Variants in CSMD1 observed in about 807,000 individuals in gnomAD.
The protein encoded by CSMD1 is CUB and sushi domain-containing protein 1.
In CSMD1, 213 loss-of-function variants were observed where a neutral mutation model predicts 417.5. The observed-to-expected ratio is 0.51, with a 90% CI of 0.46 to 0.57. The LOEUF (loss-of-function observed/expected upper bound fraction) is 0.57. CSMD1 is among the 20% of genes least tolerant of loss of function. The pLI, the probability that CSMD1 is intolerant of heterozygous loss-of-function variation, is 0.00. For missense variants in CSMD1, 6,923 were observed against 4,529.7 expected, an observed-to-expected ratio of 1.53 and a Z score of -15.17; for synonymous variants, 2,862 against 1,736.8, an observed-to-expected ratio of 1.65 and a Z score of -16.11.
At chr8:3,859,981 G>A (rs906457747) in intron 5 of CSMD1, among the ~76,000 whole-genome samples, 2 of 152,132 alleles carry the variant, frequency 1.3e-5, no homozygotes, top group African/African-American at 2.4e-5. Flanking sequence ...AAGCCTGAGG[G>A]TGGTTTTGGG....
intron 5 of CSMD1, among the ~76,000 whole-genome samples, chr8:3,889,190 C>G (rs1806775347): frequency 1.3e-5 from 2 of 151,474 alleles, no homozygotes; most frequent in Non-Finnish European, 2.9e-5. Context: ...AAGATTCGAA[C>G]AAGACTAACT....
chr8:3,235,970 T>G (rs537791139), intron 26 of CSMD1, among the ~76,000 whole-genome samples: 5 of 136,092 alleles, frequency 3.7e-5, no homozygotes, highest in Non-Finnish European at 7.6e-5. Flanking sequence ...CAGGCTGGAG[T>G]GCAGTGGCAC....
chr8:3,358,268 A>G (rs1451478911), intron 21 of CSMD1, among the ~76,000 whole-genome samples: 3 of 152,116 alleles, frequency 2.0e-5, no homozygotes, highest in African/African-American at 7.2e-5. Context: ...ACCTTGGTTA[A>G]TCTCTCATCT....
At chr8:2,986,976 C>T (rs1805967076) in intron 54 of CSMD1, among the ~76,000 whole-genome samples, 2 of 152,118 alleles carry the variant, frequency 1.3e-5, no homozygotes, top group African/African-American at 4.8e-5. Flanking sequence ...AAATTCTCTA[C>T]ACCATCATAT....
rs1425979217 is a variant in CSMD1 at position 3,096,907 on chromosome 8, G to C, written c.7080C>G (p.Thr2360=). ...CACTTTGAAATGTGTCCACAAAGAT[G>C]GTAATGTTGTAGTTTGGTTCCACTT... ...SIKVEPNYNI[T]IFVDTFQSEK... is the part of the protein sequence containing the mutation. The change falls in exon 47 of 70, where the codon ACC becomes ACG. Residue 2360 remains threonine, a synonymous_variant. Transcript: ENST00000635120. 5.1e-6 allele frequency: 8 copies of C among 1,557,294 alleles called. No homozygotes were observed. Among genetic ancestry groups the C allele is most frequent in the Non-Finnish European group, 7.0e-6 (8 of 1,149,258 alleles).
chr8:4,377,482 C>G (rs10866970), intron 3 of CSMD1, among the ~76,000 whole-genome samples: 123,843 of 152,074 alleles, frequency 0.81, 50,827 homozygotes, highest in African/African-American at 0.9. Context: ...GTCAATTTGA[C>G]TATATTTTAA....
At chr8:4,378,078 G>A (rs568333759) in intron 3 of CSMD1, among the ~76,000 whole-genome samples, 37 of 152,134 alleles carry the variant, frequency 2.4e-4, no homozygotes, top group Admixed American at 3.3e-4. Context: ...TACAGACTCC[G>A]AAGGTGAAGT....
intron 3 of CSMD1, among the ~76,000 whole-genome samples, chr8:4,213,850 T>G (rs894120277): frequency 1.3e-5 from 2 of 152,178 alleles, no homozygotes; most frequent in Non-Finnish European, 2.9e-5. Context: ...CCCCAGTGTT[T>G]AGGCTGAGAA....
At chr8:3,790,891 G>A (rs1325289862) in intron 5 of CSMD1, among the ~76,000 whole-genome samples, 4 of 152,114 alleles carry the variant, frequency 2.6e-5, no homozygotes, top group African/African-American at 4.8e-5. Context: ...TGTCGCTAAT[G>A]AATGGATGTG....
At chr8:3,147,208 G>C (rs10109874) in intron 40 of CSMD1, among the ~76,000 whole-genome samples, 2 of 151,990 alleles carry the variant, frequency 1.3e-5, no homozygotes, top group Admixed American at 6.6e-5. Context: ...TTGCAAGAAC[G>C]ATTTTTTCTT....
chr8:3,416,926 A>C (rs1162235175), intron 12 of CSMD1, among the ~76,000 whole-genome samples: 2 of 152,238 alleles, frequency 1.3e-5, no homozygotes, highest in Non-Finnish European at 2.9e-5. Context: ...CTAAATTCTA[A>C]AATTAGGTTC....
At chr8:3,631,655 A>G (rs1796789520) in intron 7 of CSMD1, among the ~76,000 whole-genome samples, 2 of 152,244 alleles carry the variant, frequency 1.3e-5, no homozygotes, top group African/African-American at 2.4e-5. Flanking sequence ...TAGCCAGTCC[A>G]GCTCAGGTGG....
chr8:3,475,619 C>T (rs1817362059), intron 11 of CSMD1, among the ~76,000 whole-genome samples: 3 of 152,170 alleles, frequency 2.0e-5, no homozygotes, highest in African/African-American at 7.2e-5. Context: ...AGGAACTCTT[C>T]AGACCTAAAA....
At chr8:4,425,478 T>A (rs961854420) in intron 2 of CSMD1, among the ~76,000 whole-genome samples, 3 of 152,078 alleles carry the variant, frequency 2.0e-5, no homozygotes, top group Admixed American at 6.6e-5. Flanking sequence ...GAGCTAAATT[T>A]GTGATTAAAT....
rs1026006742 is a variant in CSMD1, at chr8:4,113,098, A to C, written c.416-80999T>G. Among the ~76,000 whole-genome samples the C allele has an allele frequency of 4.6e-5, 7 of 152,114 alleles. No individual in the cohort carries two copies. The East Asian group carries it at 1.4e-3, about 29-fold the overall frequency. On this transcript the variant is annotated intron_variant, in intron 3 of 69. Transcript: ENST00000635120. ...TGTAAGACAGTGAACTTAAATGATT[A>C]ATGTGGTGTGTGTTCTTACTGTTCC...
chr8:3,887,543 C>T (rs114950367), intron 5 of CSMD1, among the ~76,000 whole-genome samples: 1 of 152,194 alleles, frequency 6.6e-6, no homozygotes, highest in Non-Finnish European at 1.5e-5. Flanking sequence ...AGACCTTAAT[C>T]TCAACCAATT....
chr8:3,191,705 T>C (rs1297707862), intron 33 of CSMD1, among the ~76,000 whole-genome samples: 1 of 152,210 alleles, frequency 6.6e-6, no homozygotes, highest in Non-Finnish European at 1.5e-5. Context: ...TTCCTGTTTA[T>C]CAAAAGGAAT....
intron 1 of CSMD1, among the ~76,000 whole-genome samples, chr8:4,883,200 C>T (rs545143647): frequency 1.3e-5 from 2 of 152,028 alleles, no homozygotes; most frequent in Non-Finnish European, 1.5e-5. Flanking sequence ...GCTAGCAGAA[C>T]ATGACGTCTA....
intron 1 of CSMD1, among the ~76,000 whole-genome samples, chr8:4,698,277 C>A (rs893748442): frequency 6.6e-6 from 1 of 151,942 alleles, no homozygotes; most frequent in East Asian, 1.9e-4. Context: ...GTGTCGAATG[C>A]TGTATAAAGG....
Sources: gnomAD v4.1 joint callset for allele counts (sites outside exome capture counted in the v4.1 genomes callset) on GRCh38, gnomAD v4.1.1 for gene constraint, MANE v1.5 for transcripts, NCBI Gene and HGNC (gene_info 2026-07-23, HGNC 2026-07-21) for gene names.